INPP5F: variants seen among roughly 807,000 people sequenced by gnomAD.
INPP5F encodes the protein phosphatidylinositide 4-phosphatase SAC2.
INPP5F carries 97 observed loss-of-function variants against 137.2 expected under a neutral mutation model. The observed-to-expected ratio is 0.71, with a 90% CI of 0.60 to 0.84. INPP5F has a LOEUF of 0.84. Ranked by LOEUF, INPP5F falls within the 40% of genes least tolerant of loss-of-function variation. The pLI is 0.00. For missense variants in INPP5F, 1,271 were observed against 1,371.9 expected (o/e 0.93, Z 1.16); for synonymous variants, 504 against 476.9 (o/e 1.06, Z -0.74).
At chr10:119,824,641 T>C (rs749013442) in intron 19 of INPP5F, among the ~76,000 whole-genome samples, 11 of 152,222 alleles carry the variant, frequency 7.2e-5, no homozygotes, top group Non-Finnish European at 1.3e-4. Flanking sequence ...AATTGCTAAA[T>C]ATTTAGGGGA....
rs968008273 is a variant in INPP5F at position 119,754,130 on chromosome 10, C to T, written c.178+2974C>T. Among the ~76,000 whole-genome samples the T allele has an allele frequency of 4.6e-5, 7 of 152,314 alleles. No individual in the cohort carries two copies. In the South Asian group the frequency reaches 8.3e-4, roughly 18 times the overall value. On this transcript the variant is annotated intron_variant, in intron 2 of 19. Transcript: ENST00000650623. The stretch of plus-strand genomic sequence containing the variant: ...TAAAAAAGATTGAGTAGTGAGTCCA[C>T]GTTAGACTTCTAGGTAAGAGACTTA...
At chr10:119,759,219 C>T (rs904182155) in intron 2 of INPP5F, among the ~76,000 whole-genome samples, 1 of 152,112 alleles carries the variant, frequency 6.6e-6, no homozygotes, top group African/African-American at 2.4e-5. Flanking sequence ...CAGGGTTTTG[C>T]CGTGTTGCTC....
At chr10:119,752,534 G>A (rs1007788974) in intron 2 of INPP5F, among the ~76,000 whole-genome samples, 3 of 148,692 alleles carry the variant, frequency 2.0e-5, no homozygotes, top group Admixed American at 6.8e-5. Context: ...GCAGTGAGCC[G>A]AGATTGCGCC....
chr10:119,766,120 G>A (rs1849158714), intron 2 of INPP5F, among the ~76,000 whole-genome samples: 1 of 152,062 alleles, frequency 6.6e-6, no homozygotes, highest in South Asian at 2.1e-4. Flanking sequence ...ATAACCAGGA[G>A]CACTGATGTC....
intron 2 of INPP5F, among the ~76,000 whole-genome samples, chr10:119,762,749 G>A (rs1461361089): frequency 6.6e-6 from 1 of 152,112 alleles, no homozygotes; most frequent in African/African-American, 2.4e-5. Flanking sequence ...TCTATAGGGG[G>A]TTCTAGAATC....
At chr10:119,814,255 T>C (rs1419630487) in intron 15 of INPP5F, among the ~76,000 whole-genome samples, 3 of 151,994 alleles carry the variant, frequency 2.0e-5, no homozygotes, top group Non-Finnish European at 4.4e-5. Context: ...GGCATGGTGG[T>C]GCGTGCCTGT....
Position 119,772,750 on chromosome 10 carries a change from A to AT in INPP5F, c.179-8874dup, listed in dbSNP as rs1372038228. On this transcript the variant is annotated intron_variant, in intron 2 of 19. Coordinates refer to ENST00000650623, the MANE Select transcript of INPP5F (RefSeq NM_014937.4). The stretch of plus-strand genomic sequence containing the variant: ...AACCAATTATTTCAACATTGTTTTA[A>AT]TTTTTTTTTTTGAGATGGAATCTCG... Among the ~76,000 whole-genome samples the AT allele has an allele frequency of 5.0e-3, 740 of 148,370 alleles. 8 individuals carry two copies. The highest frequency in any genetic ancestry group is 0.017 in the African/African-American group (682 of 40,614).
chr10:119,791,995 C>T lies in INPP5F; in HGVS notation c.571C>T (p.Gln191Ter). ...TGACCTGACCAATTCCGTGCAGAGG[C>T]AGAGCACTGGGGAGAGGGACGGTCG... ...TYDLTNSVQRQSTGERDGRPL... is the reference protein window; with the variant it reads ...TYDLTNSVQR Residue 191 changes from glutamine (Q) to a stop codon, truncating the protein, a stop_gained, in exon 5 of 20, where the codon CAG becomes TAG. Coordinates refer to ENST00000650623, the MANE Select transcript of INPP5F (RefSeq NM_014937.4). LOFTEE classifies it high-confidence loss of function. The T allele has an allele frequency of 6.2e-7, 1 of 1,614,206 alleles. No homozygotes were observed. The highest frequency in any genetic ancestry group is 8.5e-7 in the Non-Finnish European group (1 of 1,180,044).
chr10:119,819,228 T>TA (rs1238892372), intron 15 of INPP5F: 2 of 346,610 alleles, frequency 5.8e-6, no homozygotes, highest in Non-Finnish European at 7.9e-6. Context: ...CTTTTTTTTT[T>TA]TTTTTTTTTT....
chr10:119,730,792 CTTT>C (rs35073468), intron 1 of INPP5F, among the ~76,000 whole-genome samples: 5 of 145,036 alleles, frequency 3.4e-5, no homozygotes, highest in African/African-American at 1.3e-4. Context: ...TCCCAGTGAA[CTTT>C]TTTTTTTTTT....
Position 119,789,412 on chromosome 10 carries a change from A to G in INPP5F, c.316-2105A>G, listed in dbSNP as rs541959269. 1.3e-4 allele frequency among the ~76,000 whole-genome samples: 20 copies of G among 152,282 alleles called. No individual in the cohort carries two copies. In the South Asian group the frequency reaches 3.5e-3, roughly 27 times the overall value. On this transcript the variant is annotated intron_variant, in intron 3 of 19. Transcript: ENST00000650623. ...AGCAGTTGCCAAGTGCCACAAGCAA[A>G]GTAGTAGCAGGAGACCAAAGGGAAA...
intron 2 of INPP5F, among the ~76,000 whole-genome samples, chr10:119,780,931 G>C (rs1160699462): frequency 6.6e-6 from 1 of 152,142 alleles, no homozygotes; most frequent in East Asian, 1.9e-4. Context: ...ATCCACGGGG[G>C]GTCCTGGAGC....
chr10:119,768,208 TTAA>T (rs1849231397), intron 2 of INPP5F: 1 of 152,066 alleles, frequency 6.6e-6, no homozygotes. Context: ...TGTCTTTGGG[TTAA>T]TATTTGTTGG....
intron 2 of INPP5F, among the ~76,000 whole-genome samples, chr10:119,764,962 C>A (rs948294670): frequency 2.0e-5 from 3 of 151,876 alleles, no homozygotes; most frequent in Non-Finnish European, 4.4e-5. Context: ...GACAGAGTTT[C>A]CCTCTTGTCG....
intron 2 of INPP5F, among the ~76,000 whole-genome samples, chr10:119,762,408 G>A (rs1204806488): frequency 6.6e-6 from 1 of 152,014 alleles, no homozygotes; most frequent in Non-Finnish European, 1.5e-5. Flanking sequence ...TTTTATAAGG[G>A]CACTAATCCC....
intron 1 of INPP5F, among the ~76,000 whole-genome samples, chr10:119,738,648 T>TACAC (rs57713774): frequency 0.033 from 5,029 of 150,302 alleles, 143 homozygotes; most frequent in Admixed American, 0.081. Flanking sequence ...AGATTTTAAA[T>TACAC]ACACACACAC....
chr10:119,822,534 A>T, intron 17 of INPP5F, 30 bp downstream of exon 17: 1 of 1,071,068 alleles, frequency 9.3e-7, no homozygotes, highest in Non-Finnish European at 1.4e-6. Flanking sequence ...TCAAGTCATC[A>T]AAAGCAAATG....
intron 14 of INPP5F, 152 bp from the exon 15 acceptor site, chr10:119,811,605 T>C (rs2134259431): frequency 3.3e-6 from 2 of 612,536 alleles, no homozygotes; most frequent in African/African-American, 3.7e-5. Flanking sequence ...TAGTGTCATA[T>C]CTTAAAAATC....
Position 119,812,014 on chromosome 10 carries a change from T to C in INPP5F, c.1886+59T>C, listed in dbSNP as rs941341979. 9 of 1,294,092 alleles carry C rather than the reference T, an allele frequency of 7.0e-6. No individual in the cohort carries two copies. In the Admixed American group the frequency reaches 1.4e-4, roughly 20 times the overall value. The allele number at this position is 1,294,092 out of a possible 1,614,324, so 80.2% of individuals were successfully genotyped here. On this transcript the variant is annotated intron_variant, in intron 15 of 19. Coordinates refer to ENST00000650623, the MANE Select transcript of INPP5F (RefSeq NM_014937.4). ...CTTAACTGATGTTGGGAAGTTGTCA[T>C]GATTAACACTGGCAGTTGTCCCTAA...
Sources: allele counts gnomAD v4.1 joint callset (sites outside exome capture counted in the v4.1 genomes callset), GRCh38; gene constraint gnomAD v4.1.1; transcripts MANE v1.5; gene names NCBI Gene and HGNC (gene_info 2026-07-23, HGNC 2026-07-21).